The following FBN1 variants were observed in gnomAD, a reference collection of about 807,000 sequenced individuals.
FBN1 encodes the protein fibrillin-1.
A neutral mutation model predicts 365.1 loss-of-function variants in FBN1; 29 were observed. The observed-to-expected ratio is 0.08, with a 90% CI of 0.06 to 0.11. FBN1 has a LOEUF of 0.11. Ranked by LOEUF, FBN1 falls within the 10% of genes least tolerant of loss-of-function variation. The pLI is 1.00. For synonymous variants in FBN1, 1,210 were observed against 1,270.5 expected (o/e 0.95, Z 1.01); for missense variants, 2,476 against 3,703.2 (o/e 0.67, Z 8.60).
At chr15:48,429,401 AC>A (rs1267101454) in intron 56 of FBN1, among the ~76,000 whole-genome samples, 13 of 152,370 alleles carry the variant, frequency 8.5e-5, no homozygotes, top group South Asian at 2.1e-4. Context: ...GTTTAAAAAA[AC>A]ATTAAAATAT....
intron 7 of FBN1, among the ~76,000 whole-genome samples, chr15:48,534,515 A>C (rs962378264): frequency 6.6e-6 from 1 of 152,236 alleles, no homozygotes; most frequent in Admixed American, 6.5e-5. Context: ...GCAAAGTATA[A>C]AGATACGTTT....
chr15:48,630,452 G>A (rs1253731262), intron 2 of FBN1, among the ~76,000 whole-genome samples: 2 of 152,172 alleles, frequency 1.3e-5, no homozygotes, highest in African/African-American at 4.8e-5. Context: ...GAGCAGATGA[G>A]TCAGTCTGCA....
chr15:48,631,503 T>C (rs1889988766), intron 2 of FBN1, among the ~76,000 whole-genome samples: 1 of 152,236 alleles, frequency 6.6e-6, no homozygotes, highest in African/African-American at 2.4e-5. Context: ...CCAGTATCCC[T>C]TCCCCTTCTC....
intron 15 of FBN1, among the ~76,000 whole-genome samples, chr15:48,506,943 C>T (rs923648086): frequency 1.3e-5 from 2 of 151,676 alleles, no homozygotes; most frequent in African/African-American, 4.9e-5. Context: ...TCTCTCAGAT[C>T]CTTAAGCCAG....
chr15:48,441,547 A>G (rs2043115213), intron 50 of FBN1, among the ~76,000 whole-genome samples, 174 bp downstream of exon 50: 1 of 152,142 alleles, frequency 6.6e-6, no homozygotes, highest in African/African-American at 2.4e-5. Flanking sequence ...TGAGTTTTTA[A>G]CCTTAAAAGT....
chr15:48,620,176 G>C (rs982093552), intron 2 of FBN1, among the ~76,000 whole-genome samples: 5 of 152,186 alleles, frequency 3.3e-5, no homozygotes, highest in African/African-American at 1.2e-4. Flanking sequence ...TAGGAAGGGA[G>C]AGTGAGACTA....
intron 2 of FBN1, among the ~76,000 whole-genome samples, chr15:48,625,077 G>C (rs1889849592): frequency 6.6e-6 from 1 of 152,200 alleles, no homozygotes; most frequent in Non-Finnish European, 1.5e-5. Context: ...CAGGAACCTA[G>C]AGTGCAGGGT....
intron 6 of FBN1, among the ~76,000 whole-genome samples, chr15:48,561,555 T>C (rs908129466): frequency 2.4e-4 from 36 of 152,198 alleles, no homozygotes; most frequent in African/African-American, 6.7e-4. Flanking sequence ...CACAAGTAAA[T>C]AGAACATACT....
chr15:48,477,425 T>C (rs1241743636), intron 32 of FBN1, among the ~76,000 whole-genome samples: 2 of 152,228 alleles, frequency 1.3e-5, no homozygotes, highest in Non-Finnish European at 2.9e-5. Flanking sequence ...TAAGTTATTA[T>C]CTCAATGTTT....
At chr15:48,464,107 G>A in intron 40 of FBN1, 86 bp from the exon 41 acceptor site, 2 of 1,295,114 alleles carry the variant, frequency 1.5e-6, no homozygotes, top group Admixed American at 1.8e-5. Flanking sequence ...TGACATTAGA[G>A]GAGAAAATCT....
intron 18 of FBN1, among the ~76,000 whole-genome samples, chr15:48,498,700 A>T (rs2043629236): frequency 6.6e-6 from 1 of 152,146 alleles, no homozygotes; most frequent in Admixed American, 6.5e-5. Context: ...CATGAGCAAC[A>T]AAAGTCATTA....
At chr15:48,460,960 C>G (rs73392151) in intron 42 of FBN1, among the ~76,000 whole-genome samples, 2,760 of 152,126 alleles carry the variant, frequency 0.018, 80 homozygotes, top group African/African-American at 0.059. Flanking sequence ...ATCAGCAGTC[C>G]CTTCTAACTG....
chr15:48,495,571 A>C lies in FBN1; in HGVS notation c.2437T>G (p.Ser813Ala). 1 of 1,614,106 alleles carries C rather than the reference A, an allele frequency of 6.2e-7. No individual in the cohort carries two copies. Among genetic ancestry groups the C allele is most frequent in the Non-Finnish European group, 8.5e-7 (1 of 1,180,000 alleles). Residue 813 changes from serine to alanine, a missense_variant, in exon 21 of 66, where the codon TCA becomes GCA. Physicochemically the swap from Ser to Ala is moderately conservative, Grantham distance 99. Around this residue, in one of 5 missense-constraint regions of FBN1, gnomAD observed 1,780 missense variants for 2,840.8 expected, o/e 0.63. Coordinates refer to ENST00000316623, the MANE Select transcript of FBN1 (RefSeq NM_000138.5). The stretch of plus-strand genomic sequence containing the variant: ...CAGACTCCATTAATGCAAGGACTTG[A>C]TTCGCATTCATCAATGTCTGAAACA... ...KTCEDIDECE[S>A]SPCINGVCKN...
chr15:48,602,120 C>T (rs2044572512), intron 4 of FBN1, among the ~76,000 whole-genome samples: 1 of 152,050 alleles, frequency 6.6e-6, no homozygotes. Flanking sequence ...GTCTCCTTGC[C>T]CCTAACTCCT....
chr15:48,460,635 G>C (rs1488384124), intron 42 of FBN1, among the ~76,000 whole-genome samples: 2 of 152,006 alleles, frequency 1.3e-5, no homozygotes, highest in African/African-American at 4.8e-5. Flanking sequence ...CTGAACTCAG[G>C]GACTGGTAAG....
intron 42 of FBN1, 77 bp downstream of exon 42, chr15:48,463,005 G>A (rs377004704): frequency 6.0e-5 from 86 of 1,440,354 alleles, no homozygotes; most frequent in African/African-American, 1.8e-4. Flanking sequence ...TGCTTCCTTC[G>A]CTAAGACTGA....
At chr15:48,575,367 TTA>T (rs2044337660) in intron 6 of FBN1, among the ~76,000 whole-genome samples, 1 of 149,816 alleles carries the variant, frequency 6.7e-6, no homozygotes, top group Non-Finnish European at 1.5e-5. Flanking sequence ...ATGTATGTAT[TTA>T]GGGGGTACAA....
rs1031628317 is a variant in FBN1, at chr15:48,496,146, G to A, written c.2373C>T (p.Thr791=). 2 of 1,613,670 alleles carry A rather than the reference G, an allele frequency of 1.2e-6. No homozygotes were observed. The highest frequency in any genetic ancestry group is 2.7e-5 in the African/African-American group (2 of 74,890). ...CRNTPGSFVC[T]CPKGFIYKPD... is the part of the protein sequence containing the mutation. ...GTTTGTAGATAAATCCCTTGGGGCA[G>A]GTACAGACAAAACTTCCAGGAGTAT... Residue 791 remains threonine, a synonymous_variant, in exon 20 of 66, where the codon ACC becomes ACT. Coordinates refer to ENST00000316623, the MANE Select transcript of FBN1 (RefSeq NM_000138.5).
chr15:48,563,144 T>C (rs1021478711), intron 6 of FBN1, among the ~76,000 whole-genome samples: 1 of 152,198 alleles, frequency 6.6e-6, no homozygotes, highest in African/African-American at 2.4e-5. Context: ...AGTTTTATCA[T>C]CAATATTCAT....
Sources: allele counts gnomAD v4.1 joint callset (sites outside exome capture counted in the v4.1 genomes callset), GRCh38; gene constraint gnomAD v4.1.1; regional missense constraint gnomAD v4.1.1; transcripts MANE v1.5; gene names NCBI Gene and HGNC (gene_info 2026-07-23, HGNC 2026-07-21).